MOV10L1: variants seen among roughly 807,000 people sequenced by gnomAD.
MOV10L1 encodes RNA helicase Mov10l1.
In MOV10L1, 110 loss-of-function variants were observed where a neutral mutation model predicts 143.8. That is an observed-to-expected ratio of 0.76 (90% confidence interval 0.66 to 0.90). MOV10L1 has a LOEUF of 0.90. Ranked by LOEUF, MOV10L1 falls within the 40% of genes least tolerant of loss-of-function variation. MOV10L1 has a pLI of 0.00. For synonymous variants in MOV10L1, 593 were observed against 581.1 expected, an observed-to-expected ratio of 1.02 and a Z score of -0.29; for missense variants, 1,406 against 1,526.8, an observed-to-expected ratio of 0.92 and a Z score of 1.32.
chr22:50,148,727 G>A lies in MOV10L1; in HGVS notation c.2628-888G>A, dbSNP rs532363800. Among the ~76,000 whole-genome samples the A allele has an allele frequency of 5.8e-4, 87 of 150,670 alleles. 1 individual carries two copies. The highest frequency in any genetic ancestry group is 1.1e-3 in the Non-Finnish European group (75 of 67,808). On this transcript the variant is annotated intron_variant, in intron 19 of 26. Transcript: ENST00000262794. Reference sequence around the variant, plus strand: ...CACCCAAGCTGGAGTGCAGTGGCGCGATCTCAGCTCACTGCAAGCTCCGCC... The same window carrying A: ...CACCCAAGCTGGAGTGCAGTGGCGCAATCTCAGCTCACTGCAAGCTCCGCC...
At chr22:50,139,005 A>AT (rs59141099) in intron 15 of MOV10L1, among the ~76,000 whole-genome samples, 367 of 144,800 alleles carry the variant, frequency 2.5e-3, no homozygotes, top group African/African-American at 5.8e-3. Flanking sequence ...CCAGGCCTGA[A>AT]TTTTTTTTTT....
chr22:50,135,828 G>C (rs552237639), intron 15 of MOV10L1, among the ~76,000 whole-genome samples: 1 of 150,476 alleles, frequency 6.6e-6, no homozygotes, highest in Admixed American at 6.6e-5. Flanking sequence ...GCCAGGTATT[G>C]TCCTGGGCTC....
At chr22:50,109,984 A>G (rs2061979285) in intron 5 of MOV10L1, among the ~76,000 whole-genome samples, 1 of 152,046 alleles carries the variant, frequency 6.6e-6, no homozygotes, top group Admixed American at 6.5e-5. Context: ...CCCTGTCTCT[A>G]CTAAAAATAC....
chr22:50,140,768 A>C (rs1468767572), intron 15 of MOV10L1, among the ~76,000 whole-genome samples: 1 of 151,438 alleles, frequency 6.6e-6, no homozygotes, highest in African/African-American at 2.4e-5. Context: ...TGTCCTCCTA[A>C]CTGCAGTGTA....
chr22:50,090,799 C>T, intron 1 of MOV10L1: 1 of 380,776 alleles, frequency 2.6e-6, no homozygotes, highest in Non-Finnish European at 4.9e-6. Context: ...GCCTCAGCCT[C>T]CCGAGCAGCG....
chr22:50,145,888 G>A (rs2063139645), intron 19 of MOV10L1, 78 bp downstream of exon 19: 1 of 1,585,528 alleles, frequency 6.3e-7, no homozygotes, highest in African/African-American at 1.3e-5. Flanking sequence ...CTGTCTGAGG[G>A]GCGGATGACC....
intron 13 of MOV10L1, among the ~76,000 whole-genome samples, chr22:50,130,967 G>A (rs2062656834): frequency 6.6e-6 from 1 of 152,164 alleles, no homozygotes; most frequent in Non-Finnish European, 1.5e-5. Flanking sequence ...CACGATCTCG[G>A]CTCACTGCAA....
intron 6 of MOV10L1, among the ~76,000 whole-genome samples, chr22:50,114,179 A>T (rs1392319193): frequency 6.6e-6 from 1 of 151,604 alleles, no homozygotes; most frequent in African/African-American, 2.4e-5. Context: ...AGCCTCCCAA[A>T]GTGCTGGGAC....
Position 50,150,868 on chromosome 22 carries a change from T to C in MOV10L1, c.2861T>C (p.Phe954Ser), listed in dbSNP as rs768809130. 3 of 1,614,210 alleles carry C rather than the reference T, an allele frequency of 1.9e-6. No homozygotes were observed. The highest frequency in any genetic ancestry group is 2.5e-6 in the Non-Finnish European group (3 of 1,180,022). ...GCGTACCAGAGGGACGAAAATGCTTTCGGTGCTTGTGGCGCACATAATCCC... is the reference window on the plus strand; with the variant it reads ...GCGTACCAGAGGGACGAAAATGCTTCCGGTGCTTGTGGCGCACATAATCCC... ...RPAYQRDENAFGACGAHNPLL... is the reference protein window; with the variant it reads ...RPAYQRDENASGACGAHNPLL... Residue 954 changes from phenylalanine to serine, a missense_variant, in exon 21 of 27, where the codon TTC (phenylalanine) becomes TCC (serine). Phe to Ser is a radical substitution (Grantham distance 155, BLOSUM62 -2). This residue lies in a region of MOV10L1 where 1,233 missense variants were observed against 1,351.4 expected (regional missense o/e 0.91). Transcript: ENST00000262794.
intron 9 of MOV10L1, 60 bp downstream of exon 9, chr22:50,117,411 C>T (rs1195346695): frequency 1.5e-5 from 24 of 1,561,870 alleles, no homozygotes; most frequent in African/African-American, 8.2e-5. Flanking sequence ...GAAGGAAAAG[C>T]GGACGTGCAC....
At chr22:50,108,053 A>G (rs1345196840) in intron 3 of MOV10L1, 83 bp from the exon 4 acceptor site, 1 of 1,214,696 alleles carries the variant, frequency 8.2e-7, no homozygotes, top group Admixed American at 1.9e-5. Context: ...CTCAGGTATG[A>G]TAGAAATGAT....
At chr22:50,133,550 A>G (rs911119263) in intron 13 of MOV10L1, among the ~76,000 whole-genome samples, 1 of 151,462 alleles carries the variant, frequency 6.6e-6, no homozygotes, top group Non-Finnish European at 1.5e-5. Context: ...GTTTTTACAA[A>G]AATTTTTTTA....
chr22:50,113,875 C>G lies in MOV10L1; in HGVS notation c.884+87C>G, dbSNP rs970140067. ...AATAATTTCTGTAAAACCAACTTTACTTTGGTCATTTATTTTTTTCTTTAT... is the reference window on the plus strand; with the variant it reads ...AATAATTTCTGTAAAACCAACTTTAGTTTGGTCATTTATTTTTTTCTTTAT... On this transcript the variant is annotated intron_variant, in intron 6 of 26. Coordinates refer to ENST00000262794, the MANE Select transcript of MOV10L1 (RefSeq NM_018995.3). 4.1e-6 allele frequency: 4 copies of G among 981,190 alleles called. No homozygotes were observed. The African/African-American group carries it at 5.6e-5, about 14-fold the overall frequency. 60.8% of individuals were successfully genotyped at this position (981,190 alleles called of 1,614,324 possible). A position where few individuals can be genotyped will look rare whatever the true frequency, so the allele number is the denominator to read the frequency against.
In MOV10L1 at chr22:50,117,287, A is replaced by T. The variant is rs756137998; in HGVS notation, c.1390A>T (p.Lys464Ter). ...TGCGCGCGAACCATTTTCTTGGAAA[A>T]AGCTTAAAAGTTCACAAGCGTTAAC... is the stretch of plus-strand genomic sequence containing the variant. Reference protein sequence around the residue: ...IAAREPFSWKKLKSSQALTSA... With the variant: ...IAAREPFSWK The change falls in exon 9 of 27, where the codon AAG (lysine) becomes TAG (stop). Residue 464 changes from lysine to a stop codon, truncating the protein, a stop_gained. Transcript: ENST00000262794. LOFTEE classifies it high-confidence loss of function. The T allele has an allele frequency of 6.2e-7, 1 of 1,614,182 alleles. No individual in the cohort carries two copies. The highest frequency in any genetic ancestry group is 8.5e-7 in the Non-Finnish European group (1 of 1,180,038).
At chr22:50,154,779 A>G (rs1306312300) in intron 22 of MOV10L1, among the ~76,000 whole-genome samples, 2 of 152,224 alleles carry the variant, frequency 1.3e-5, no homozygotes, top group African/African-American at 4.8e-5. Context: ...CATATAATTT[A>G]TCACTGCTTT....
intron 3 of MOV10L1, among the ~76,000 whole-genome samples, chr22:50,104,157 C>G (rs955738847): frequency 6.6e-6 from 1 of 152,150 alleles, no homozygotes; most frequent in Admixed American, 6.5e-5. Flanking sequence ...AATCTACTAC[C>G]CCTGCTGATC....
chr22:50,142,908 G>A (rs1209202131), intron 16 of MOV10L1, 135 bp from the exon 17 acceptor site: 16 of 730,688 alleles, frequency 2.2e-5, no homozygotes, highest in Non-Finnish European at 1.1e-5. Flanking sequence ...TGGTCACACT[G>A]AAGAGCTACT....
chr22:50,154,543 A>G (rs748695226), intron 22 of MOV10L1, among the ~76,000 whole-genome samples: 1 of 152,132 alleles, frequency 6.6e-6, no homozygotes. Context: ...ACCCCAGCCC[A>G]GGCGACAGAG....
At chr22:50,104,439 G>A (rs1319055817) in intron 3 of MOV10L1, among the ~76,000 whole-genome samples, 2 of 152,200 alleles carry the variant, frequency 1.3e-5, no homozygotes, top group East Asian at 3.8e-4. Context: ...GGTGCCCTTT[G>A]GAGGCGTCTG....
Sources: gnomAD v4.1 joint callset for allele counts (sites outside exome capture counted in the v4.1 genomes callset) on GRCh38, gnomAD v4.1.1 for gene constraint, gnomAD v4.1.1 regional missense constraint, MANE v1.5 for transcripts, NCBI Gene and HGNC (gene_info 2026-07-23, HGNC 2026-07-21) for gene names.